The following RPH3AL variants were observed in gnomAD, a reference collection of about 807,000 sequenced individuals.
RPH3AL encodes the protein rabphilin 3A like (without C2 domains).
In RPH3AL, 38 loss-of-function variants were observed where a neutral mutation model predicts 43.1. The ratio of observed to expected loss-of-function variants is 0.88; its 90% CI spans 0.68 to 1.15. RPH3AL has a LOEUF of 1.15. Among genes scored for constraint, RPH3AL ranks in the 50% most tolerant of loss-of-function variants. The probability of loss-of-function intolerance (pLI) is 0.00; values close to 1 mark genes in which losing one functional copy is unlikely to be tolerated. For synonymous variants in RPH3AL, 189 were observed against 176.3 expected, an observed-to-expected ratio of 1.07 and a Z score of -0.57; for missense variants, 462 against 423.2, an observed-to-expected ratio of 1.09 and a Z score of -0.81.
chr17:300,682 G>A (rs60086410), intron 5 of RPH3AL, among the ~76,000 whole-genome samples: 3 of 119,796 alleles, frequency 2.5e-5, no homozygotes, highest in Non-Finnish European at 1.7e-5. Context: ...TCTCTCACCC[G>A]CTCTAGCAGG....
intron 5 of RPH3AL, among the ~76,000 whole-genome samples, chr17:317,384 T>G (rs1186360066): frequency 2.5e-3 from 365 of 148,704 alleles, no homozygotes; most frequent in Non-Finnish European, 3.0e-3. Context: ...GTAGTCCCTG[T>G]GGCCCCACGT....
chr17:259,508 C>T (rs971360726), intron 6 of RPH3AL, among the ~76,000 whole-genome samples: 1 of 152,138 alleles, frequency 6.6e-6, no homozygotes, highest in Non-Finnish European at 1.5e-5. Flanking sequence ...TACCCCTCCC[C>T]GCCCAGGAAT....
intron 5 of RPH3AL, among the ~76,000 whole-genome samples, chr17:315,352 C>G (rs2043954033): frequency 6.6e-6 from 1 of 152,254 alleles, no homozygotes; most frequent in African/African-American, 2.4e-5. Context: ...CCCTGTGACT[C>G]CACTTCCACT....
At chr17:233,856 T>C (rs28418486) in intron 7 of RPH3AL, among the ~76,000 whole-genome samples, 6,831 of 100,204 alleles carry the variant, frequency 0.068, 599 homozygotes, top group African/African-American at 0.16. Flanking sequence ...CCAACTTCCC[T>C]GAGCAGGGAG....
intron 6 of RPH3AL, among the ~76,000 whole-genome samples, chr17:262,257 CA>C (rs2042213386): frequency 6.6e-6 from 1 of 152,070 alleles, no homozygotes; most frequent in African/African-American, 2.4e-5. Context: ...CTCGCTCTGT[CA>C]CCCAGGCTGG....
chr17:329,322 A>C (rs2044692193), intron 2 of RPH3AL, among the ~76,000 whole-genome samples: 1 of 152,114 alleles, frequency 6.6e-6, no homozygotes, highest in Non-Finnish European at 1.5e-5. Flanking sequence ...AAAATACAAA[A>C]AAAATTAGCT....
chr17:336,475 C>A (rs995964856), intron 1 of RPH3AL, among the ~76,000 whole-genome samples: 1 of 151,982 alleles, frequency 6.6e-6, no homozygotes, highest in African/African-American at 2.4e-5. Flanking sequence ...CCCCCGGGCA[C>A]CCTGCCAGGT....
Position 321,202 on chromosome 17 carries a change from T to C in RPH3AL, c.221+70A>G. The C allele has an allele frequency of 9.1e-6, 14 of 1,544,134 alleles. 1 individual carries two copies. The South Asian group carries it at 1.7e-4, about 18-fold the overall frequency. On this transcript the variant is annotated intron_variant, in intron 4 of 9. Transcript: ENST00000331302. ...AAAACCAGGACCCGGAGTGCCGGCC[T>C]CCCAGTCCCCTGCGCTTGCGCCAAA...
chr17:245,103 G>A lies in RPH3AL; in HGVS notation c.613+2008C>T, dbSNP rs922534966. On this transcript the variant is annotated intron_variant, in intron 7 of 9. Transcript: ENST00000331302. The surrounding 1 kb of genome is among the most constrained non-coding windows in gnomAD (Gnocchi z 5.9). ...CATGCGCAAGTGTGTGTAGACGTGT[G>A]TGTACATGTGGATGTGTGTGTGGAT... 2.0e-4 allele frequency among the ~76,000 whole-genome samples: 31 copies of A among 151,836 alleles called. No homozygotes were observed. Among genetic ancestry groups the A allele is most frequent in the African/African-American group, 7.5e-4 (31 of 41,306 alleles).
intron 9 of RPH3AL, among the ~76,000 whole-genome samples, chr17:214,491 C>G (rs866066153): frequency 6.6e-6 from 1 of 152,186 alleles, no homozygotes; most frequent in Non-Finnish European, 1.5e-5. Context: ...TTCAATTGGG[C>G]GCAGTGGCTC....
intron 5 of RPH3AL, among the ~76,000 whole-genome samples, chr17:284,990 C>T (rs2042871610): frequency 6.6e-6 from 1 of 152,176 alleles, no homozygotes; most frequent in Non-Finnish European, 1.5e-5. Context: ...CCCTCAGGAC[C>T]TCATCTGATC....
chr17:281,536 C>T (rs2042778347), intron 6 of RPH3AL, among the ~76,000 whole-genome samples: 1 of 152,050 alleles, frequency 6.6e-6, no homozygotes, highest in African/African-American at 2.4e-5. Flanking sequence ...CCTGCCACCC[C>T]TGCATAGGGG....
At chr17:231,313 G>T (rs575092628) in intron 7 of RPH3AL, among the ~76,000 whole-genome samples, 1 of 152,306 alleles carries the variant, frequency 6.6e-6, no homozygotes, top group African/African-American at 2.4e-5. Context: ...GGTTTGGGGT[G>T]GGCTGCCTGC....
At chr17:352,068 G>A (rs1315512224) in intron 1 of RPH3AL, among the ~76,000 whole-genome samples, 9 of 152,176 alleles carry the variant, frequency 5.9e-5, no homozygotes, top group Admixed American at 1.3e-4. Context: ...TCTAAGACGC[G>A]TGGCCTTGGC....
intron 7 of RPH3AL, among the ~76,000 whole-genome samples, chr17:220,676 C>A (rs375135351): frequency 5.2e-5 from 4 of 77,372 alleles, no homozygotes; most frequent in Admixed American, 2.6e-4. Flanking sequence ...TAGACCCAAG[C>A]ACAACAGCTC....
At chr17:224,697 A>G (rs944776307) in intron 7 of RPH3AL, among the ~76,000 whole-genome samples, 2 of 152,126 alleles carry the variant, frequency 1.3e-5, no homozygotes, top group African/African-American at 2.4e-5. Flanking sequence ...CTCAATAGCA[A>G]AGACTTGGAA....
At chr17:259,912 G>A (rs1024741905) in intron 6 of RPH3AL, among the ~76,000 whole-genome samples, 4 of 152,206 alleles carry the variant, frequency 2.6e-5, no homozygotes, top group Admixed American at 2.0e-4. Flanking sequence ...TTCCTAAATG[G>A]TTGTGGCTGG....
At chr17:213,995 C>G in intron 9 of RPH3AL, 72 bp from the exon 10 acceptor site, 2 of 1,202,776 alleles carry the variant, frequency 1.7e-6, no homozygotes, top group South Asian at 2.7e-5. Flanking sequence ...GACAGCTCGG[C>G]CTTTGGGAAT....
intron 6 of RPH3AL, among the ~76,000 whole-genome samples, chr17:275,755 C>T (rs765646916): frequency 2.0e-5 from 3 of 152,200 alleles, no homozygotes; most frequent in Non-Finnish European, 2.9e-5. Context: ...CCATGTTGCC[C>T]AGGCTGGTCT....
Sources: allele counts gnomAD v4.1 joint callset (sites outside exome capture counted in the v4.1 genomes callset), GRCh38; gene constraint gnomAD v4.1.1; non-coding constraint Gnocchi (gnomAD v3.1); transcripts MANE v1.5; gene names NCBI Gene and HGNC (gene_info 2026-07-23, HGNC 2026-07-21).